RASSF7: variants seen among roughly 807,000 people sequenced by gnomAD.
RASSF7 encodes ras association domain-containing protein 7.
In RASSF7, 41 loss-of-function variants were observed where a neutral mutation model predicts 33.8. The ratio of observed to expected loss-of-function variants is 1.21; its 90% CI spans 0.95 to 1.57. The LOEUF is 1.57. Among genes scored for constraint, RASSF7 ranks in the 40% most tolerant of loss-of-function variants. The probability of loss-of-function intolerance (pLI) is 0.00; values close to 1 mark genes in which losing one functional copy is unlikely to be tolerated. For synonymous variants in RASSF7, 298 were observed against 212.8 expected, an observed-to-expected ratio of 1.40 and a Z score of -3.48; for missense variants, 622 against 497.0, an observed-to-expected ratio of 1.25 and a Z score of -2.39.
chr11:563,685 C>T lies in RASSF7; in HGVS notation c.*40C>T. 1 of 1,548,530 alleles carries T rather than the reference C, an allele frequency of 6.5e-7. No homozygotes were observed. Among genetic ancestry groups the T allele is most frequent in the Non-Finnish European group, 8.8e-7 (1 of 1,141,206 alleles). On this transcript the variant is annotated 3_prime_UTR_variant, in exon 6 of 6. Coordinates refer to ENST00000397583, the MANE Select transcript of RASSF7 (RefSeq NM_003475.4). ...CTGCAAGACCATCCTGCCCGGACCACAGAAGGAGAGTTGGCGGTCACAGAG... is the reference window on the plus strand; with the variant it reads ...CTGCAAGACCATCCTGCCCGGACCATAGAAGGAGAGTTGGCGGTCACAGAG...
rs781107755 is a variant in RASSF7, at chr11:563,314, T to G, written c.948T>G (p.Thr316=). 1 of 1,608,896 alleles carries G rather than the reference T, an allele frequency of 6.2e-7. No individual in the cohort carries two copies. Among genetic ancestry groups the G allele is most frequent in the South Asian group, 1.1e-5 (1 of 90,452 alleles). Residue 316 remains threonine, a synonymous_variant, in exon 4 of 6, where the codon ACT becomes ACG. Coordinates refer to ENST00000397583, the MANE Select transcript of RASSF7 (RefSeq NM_003475.4). ...GGCCTGACAGGGGCCCTCCTGGCAC[T>G]CAGGTCGGAGTGGTTCTGGGGGGAG... The part of the protein sequence containing the change: ...PPRPDRGPPG[T]QGPLPPAREE...
rs373904419 is a variant in RASSF7 at position 562,310 on chromosome 11, C to T, written c.356C>T (p.Ala119Val). The stretch of plus-strand genomic sequence containing the variant: ...AGCCTCCCTGTAAAGCCACGGGCTG[C>T]GCTGGGCTGTGAGCCCCGCAAAACA... ...RASLPVKPRA[A>V]LGCEPRKTLT... is the part of the protein sequence containing the mutation. Residue 119 changes from alanine to valine, a missense_variant, in exon 3 of 6, where the codon GCG becomes GTG. Transcript: ENST00000397583. The T allele has an allele frequency of 9.6e-5, 154 of 1,612,018 alleles. No homozygotes were observed. The East Asian group carries it at 1.7e-3, about 18-fold the overall frequency.
In RASSF7 at chr11:562,745, G is replaced by C. The variant is rs768494202; in HGVS notation, c.791G>C (p.Arg264Pro). 2 of 1,521,136 alleles carry C rather than the reference G, an allele frequency of 1.3e-6. No homozygotes were observed. Among genetic ancestry groups the C allele is most frequent in the African/African-American group, 2.8e-5 (2 of 72,272 alleles). 94.2% of individuals were successfully genotyped at this position (1,521,136 alleles called of 1,614,324 possible). A position where few individuals can be genotyped will look rare whatever the true frequency, so the allele number is the denominator to read the frequency against. ...EVQGSLALVSRALEAAERALQ... is the reference protein window; with the variant it reads ...EVQGSLALVSPALEAAERALQ... ...CAGGGCAGCCTGGCTCTGGTGAGCC[G>C]GGCCCTGGAGGCAGCAGAGCGAGCC... Residue 264 changes from arginine to proline, a missense_variant, in exon 3 of 6, where the codon CGG becomes CCG. Coordinates refer to ENST00000397583, the MANE Select transcript of RASSF7 (RefSeq NM_003475.4).
intron 3 of RASSF7, among the ~76,000 whole-genome samples, 180 bp downstream of exon 3, chr11:562,956 C>T (rs1214361322): frequency 6.6e-6 from 1 of 150,944 alleles, no homozygotes; most frequent in Non-Finnish European, 1.5e-5. Flanking sequence ...CAGGTGAGCC[C>T]GCGGACCTGA....
Position 560,979 on chromosome 11 carries a change from G to C in RASSF7, c.-506G>C. 1.8e-6 allele frequency: 2 copies of C among 1,087,210 alleles called. No individual in the cohort carries two copies. Among genetic ancestry groups the C allele is most frequent in the Non-Finnish European group, 2.2e-6 (2 of 896,226 alleles). 67.3% of individuals were successfully genotyped at this position (1,087,210 alleles called of 1,614,324 possible). The stretch of plus-strand genomic sequence containing the variant: ...GGGGCCCGGGTGCGCCGCGGCGCTG[G>C]GGGCGGCAGGTTGCGGCGGCGCCGG... On this transcript the variant is annotated 5_prime_UTR_variant, in exon 1 of 6. Transcript: ENST00000397583.
At position 563,925 on chromosome 11, in the gene RASSF7, G is replaced by A. The variant is rs1039698919; in HGVS notation, c.*280G>A. The A allele has an allele frequency of 2.4e-5, 13 of 550,588 alleles. No individual in the cohort carries two copies. The highest frequency in any genetic ancestry group is 4.2e-5 in the Non-Finnish European group (13 of 310,694). The allele number at this position is 550,588 out of a possible 1,614,324, so 34.1% of individuals were successfully genotyped here. On this transcript the variant is annotated 3_prime_UTR_variant, in exon 6 of 6. Coordinates refer to ENST00000397583, the MANE Select transcript of RASSF7 (RefSeq NM_003475.4). The stretch of plus-strand genomic sequence containing the variant: ...TCAAGCTGTGGGCATGTGCTTGCCT[G>A]CGGGAGAGGTCCTTCACTGTGTGTA...
chr11:562,775 A>G lies in RASSF7; in HGVS notation c.821A>G (p.Gln274Arg). The G allele has an allele frequency of 6.7e-7, 1 of 1,489,978 alleles. No individual in the cohort carries two copies. The highest frequency in any genetic ancestry group is 8.9e-7 in the Non-Finnish European group (1 of 1,123,728). The allele number at this position is 1,489,978 out of a possible 1,614,324, so 92.3% of individuals were successfully genotyped here. A position where few individuals can be genotyped will look rare whatever the true frequency, so the allele number is the denominator to read the frequency against. ...RALEAAERAL[Q>R]AQAQELEELN... ...CTGGAGGCAGCAGAGCGAGCCTTGCAGGTGAGCCCGGGGACCTGATCCCCT... is the reference window on the plus strand; with the variant it reads ...CTGGAGGCAGCAGAGCGAGCCTTGCGGGTGAGCCCGGGGACCTGATCCCCT... Residue 274 changes from glutamine to arginine, a missense_variant and splice_region_variant, in exon 3 of 6, where the codon CAG (glutamine) becomes CGG (arginine). Gln to Arg is a conservative substitution (Grantham distance 43, BLOSUM62 1). Transcript: ENST00000397583.
chr11:563,478 G>A lies in RASSF7; in HGVS notation c.1034G>A (p.Gly345Asp), dbSNP rs770420294. The A allele has an allele frequency of 6.2e-7, 1 of 1,610,468 alleles. No homozygotes were observed. The highest frequency in any genetic ancestry group is 1.3e-5 in the African/African-American group (1 of 75,008). Residue 345 changes from glycine to aspartate, a missense_variant and splice_region_variant, in exon 5 of 6, where the codon GGT becomes GAT. Physicochemically the swap from Gly to Asp is moderately conservative, Grantham distance 94. Coordinates refer to ENST00000397583, the MANE Select transcript of RASSF7 (RefSeq NM_003475.4). ...SHAGAQPRPR[G>D]GPHDAELLEV... ...GCTGGTGCCCAGCCTAGGCCCCGAG[G>A]GTATGTCTGTGCCCCACCTCCCCCT...
Position 561,179 on chromosome 11 carries a change from G to T in RASSF7, c.-306G>T. On this transcript the variant is annotated 5_prime_UTR_variant, in exon 1 of 6. Coordinates refer to ENST00000397583, the MANE Select transcript of RASSF7 (RefSeq NM_003475.4). ...CACCTGCGCCCGCCCTGCGGAACGG[G>T]GACGCCCTGGCTCCCGCCAGGCTGG... 3 of 985,042 alleles carry T rather than the reference G, an allele frequency of 3.0e-6. No individual in the cohort carries two copies. The highest frequency in any genetic ancestry group is 3.6e-6 in the Non-Finnish European group (3 of 829,832). 61.0% of individuals were successfully genotyped at this position (985,042 alleles called of 1,614,324 possible). A position where few individuals can be genotyped will look rare whatever the true frequency, so the allele number is the denominator to read the frequency against.
chr11:562,773 G>A lies in RASSF7; in HGVS notation c.819G>A (p.Leu273=), dbSNP rs1853395975. The A allele has an allele frequency of 1.3e-6, 2 of 1,494,312 alleles. No homozygotes were observed. Among genetic ancestry groups the A allele is most frequent in the Middle Eastern group, 2.4e-4 (1 of 4,158 alleles). 92.6% of individuals were successfully genotyped at this position (1,494,312 alleles called of 1,614,324 possible). ...CCCTGGAGGCAGCAGAGCGAGCCTT[G>A]CAGGTGAGCCCGGGGACCTGATCCC... The part of the protein sequence containing the change: ...SRALEAAERA[L]QAQAQELEEL... Residue 273 remains leucine (L), a synonymous_variant, in exon 3 of 6, where the codon TTG becomes TTA. Transcript: ENST00000397583.
chr11:563,981 C>T lies in RASSF7; in HGVS notation c.*336C>T, dbSNP rs1032832610. On this transcript the variant is annotated 3_prime_UTR_variant, in exon 6 of 6. Coordinates refer to ENST00000397583, the MANE Select transcript of RASSF7 (RefSeq NM_003475.4). ...CAAGAGCATGTGTGTGCCACTTCCC[C>T]TACCCCAACGTGAAAACCTCAATAA... 2.5e-6 allele frequency: 1 copy of T among 399,156 alleles called. No homozygotes were observed. Among genetic ancestry groups the T allele is most frequent in the African/African-American group, 2.0e-5 (1 of 49,296 alleles). 24.7% of individuals were successfully genotyped at this position (399,156 alleles called of 1,614,324 possible).
intron 1 of RASSF7, 140 bp downstream of exon 1, chr11:561,617 G>A (rs999918238): frequency 6.4e-6 from 9 of 1,413,722 alleles, no homozygotes; most frequent in Middle Eastern, 2.6e-4. Context: ...TGGCTGGCGG[G>A]TGGGGCTGGC....
At position 563,786 on chromosome 11, in the gene RASSF7, C is replaced by T. The variant is rs973788758; in HGVS notation, c.*141C>T. On this transcript the variant is annotated 3_prime_UTR_variant, in exon 6 of 6. Coordinates refer to ENST00000397583, the MANE Select transcript of RASSF7 (RefSeq NM_003475.4). ...GGGTGCAGTGGGGGACTGCCCTAGTCCTTGCCAGGTCGCCAGCACCCTGGA... is the reference window on the plus strand; with the variant it reads ...GGGTGCAGTGGGGGACTGCCCTAGTTCTTGCCAGGTCGCCAGCACCCTGGA... 1.6e-5 allele frequency: 13 copies of T among 792,890 alleles called. No individual in the cohort carries two copies. In the African/African-American group the frequency reaches 1.9e-4, roughly 12 times the overall value. 49.1% of individuals were successfully genotyped at this position (792,890 alleles called of 1,614,324 possible).
rs200061286 is a variant in RASSF7, at chr11:561,905, G to C, written c.124+13G>C. ...GCCCAAGCAATAGGTGAGTCCTCTC[G>C]GGGTCAGGCAGGCCGGGCAGGTAGA... On this transcript the variant is annotated intron_variant, in intron 2 of 5. Coordinates refer to ENST00000397583, the MANE Select transcript of RASSF7 (RefSeq NM_003475.4). The C allele has an allele frequency of 1.9e-6, 3 of 1,612,976 alleles. No homozygotes were observed. The highest frequency in any genetic ancestry group is 2.5e-6 in the Non-Finnish European group (3 of 1,179,700).
At chr11:562,863 G>T in intron 3 of RASSF7, 87 bp downstream of exon 3, 2 of 1,153,490 alleles carry the variant, frequency 1.7e-6, no homozygotes, top group Non-Finnish European at 2.4e-6. Flanking sequence ...CGGGAGGCAG[G>T]TGAGCCCGGG....
At position 563,912 on chromosome 11, in the gene RASSF7, C is replaced by T. The variant is rs942807728; in HGVS notation, c.*267C>T. 1 of 559,640 alleles carries T rather than the reference C, an allele frequency of 1.8e-6. No individual in the cohort carries two copies. The highest frequency in any genetic ancestry group is 3.2e-6 in the Non-Finnish European group (1 of 315,986). 34.7% of individuals were successfully genotyped at this position (559,640 alleles called of 1,614,324 possible). A position where few individuals can be genotyped will look rare whatever the true frequency, so the allele number is the denominator to read the frequency against. On this transcript the variant is annotated 3_prime_UTR_variant, in exon 6 of 6. Transcript: ENST00000397583. ...ATGGACAGTGTGCTCAAGCTGTGGG[C>T]ATGTGCTTGCCTGCGGGAGAGGTCC...
In RASSF7 at chr11:561,846, GC is replaced by G. The variant is rs1853333232; in HGVS notation, c.79del (p.Gln27ArgfsTer11). 6.2e-7 allele frequency: 1 copy of G among 1,613,480 alleles called. No individual in the cohort carries two copies. On this transcript the variant is annotated frameshift_variant, in exon 2 of 6. Coordinates refer to ENST00000397583, the MANE Select transcript of RASSF7 (RefSeq NM_003475.4). LOFTEE classifies it high-confidence loss of function. ...AGCGTGTGGTCTGTGGGGTCTCAGA[GC>G]AGACCACCTGCCAGGAAGTGGTCAT... Reference protein sequence around the residue: ...IQRVVCGVSEQTTCQEVVIAL... With the variant: ...IQRVVCGVSEXTTCQEVVIAL...
Position 563,599 on chromosome 11 carries a change from C to T in RASSF7, c.1076C>T (p.Pro359Leu). The T allele has an allele frequency of 6.2e-7, 1 of 1,612,082 alleles. No individual in the cohort carries two copies. Among genetic ancestry groups the T allele is most frequent in the Non-Finnish European group, 8.5e-7 (1 of 1,179,916 alleles). Residue 359 changes from proline to leucine, a missense_variant, in exon 6 of 6, where the codon CCT becomes CTT. Transcript: ENST00000397583. The stretch of plus-strand genomic sequence containing the variant: ...GAACTCCTGGAGGTAGCAGCAGCTC[C>T]TGCCCCAGAGTGGTGTCCTCTGGCA... ...DAELLEVAAA[P>L]APEWCPLAAQ...
In RASSF7 at chr11:562,031, G is replaced by T. The variant is rs899365638; in HGVS notation, c.125-48G>T. ...TCTTCCCAACTCTTCAAGCCAGGTG[G>T]ACAGAGAGTCGGGGGGACATAGGCT... On this transcript the variant is annotated intron_variant, in intron 2 of 5. Transcript: ENST00000397583. 20 of 1,508,580 alleles carry T rather than the reference G, an allele frequency of 1.3e-5. 1 individual carries two copies. The South Asian group carries it at 2.6e-4, about 19-fold the overall frequency. 93.4% of individuals were successfully genotyped at this position (1,508,580 alleles called of 1,614,324 possible). A position where few individuals can be genotyped will look rare whatever the true frequency, so the allele number is the denominator to read the frequency against.
Sources: allele counts gnomAD v4.1 joint callset (sites outside exome capture counted in the v4.1 genomes callset), GRCh38; gene constraint gnomAD v4.1.1; transcripts MANE v1.5; gene names NCBI Gene and HGNC (gene_info 2026-07-23, HGNC 2026-07-21).